Variants in GRK5 observed in about 807,000 individuals in gnomAD.
The protein encoded by GRK5 is G protein-coupled receptor kinase 5.
GRK5 carries 40 observed loss-of-function variants against 78.4 expected under a neutral mutation model. The observed-to-expected ratio is 0.51, with a 90% CI of 0.40 to 0.66. GRK5 has a LOEUF of 0.66. GRK5 is among the 30% of genes least tolerant of loss of function. The pLI, the probability that GRK5 is intolerant of heterozygous loss-of-function variation, is 0.00. For missense variants in GRK5, 598 were observed against 759.9 expected, an observed-to-expected ratio of 0.79 and a Z score of 2.50; for synonymous variants, 289 against 296.8, an observed-to-expected ratio of 0.97 and a Z score of 0.27.
chr10:119,348,144 A>G (rs1851129795), intron 2 of GRK5, among the ~76,000 whole-genome samples: 2 of 152,218 alleles, frequency 1.3e-5, no homozygotes, highest in South Asian at 2.1e-4. Flanking sequence ...TGAGGAGTCC[A>G]GGGGCCTGGC....
intron 1 of GRK5, among the ~76,000 whole-genome samples, chr10:119,297,638 G>T (rs1564881700): frequency 1.3e-5 from 2 of 152,182 alleles, no homozygotes; most frequent in Non-Finnish European, 2.9e-5. Flanking sequence ...GACAAGAATA[G>T]GTTGTTATAA....
intron 1 of GRK5, among the ~76,000 whole-genome samples, chr10:119,292,929 C>T (rs1223103952): frequency 6.6e-6 from 1 of 151,754 alleles, no homozygotes; most frequent in Non-Finnish European, 1.5e-5. Context: ...GGGAGGCCAA[C>T]TGCGTGTTGA....
At chr10:119,229,949 G>C (rs1848798838) in intron 1 of GRK5, among the ~76,000 whole-genome samples, 1 of 152,240 alleles carries the variant, frequency 6.6e-6, no homozygotes, top group African/African-American at 2.4e-5. Flanking sequence ...GCTTGGCTTT[G>C]AGCTTCCAGC....
chr10:119,226,230 G>C (rs1016198605), intron 1 of GRK5, among the ~76,000 whole-genome samples: 4 of 151,182 alleles, frequency 2.6e-5, no homozygotes, highest in Admixed American at 6.6e-5. Context: ...TGCCCGTCTC[G>C]GCTCCCCAAA....
intron 12 of GRK5, among the ~76,000 whole-genome samples, chr10:119,447,670 G>C (rs1853183019): frequency 6.6e-6 from 1 of 152,182 alleles, no homozygotes. Context: ...CCCCCCATGA[G>C]TCTGAGCACT....
rs1173067396 is a variant in GRK5 at position 119,458,090 on chromosome 10, CG to C, written c.*3025del. On this transcript the variant is annotated 3_prime_UTR_variant, in exon 16 of 16. Coordinates refer to ENST00000392870, the MANE Select transcript of GRK5 (RefSeq NM_005308.3). ...GGATAAGGCATATTTGGACGGTGAACGGATTTACTCTCGTTCATGCATTTGA... is the reference window on the plus strand; with the variant it reads ...GGATAAGGCATATTTGGACGGTGAACGATTTACTCTCGTTCATGCATTTGA... 1 of 152,256 alleles carries C rather than the reference CG, an allele frequency of 6.6e-6. No homozygotes were observed. The highest frequency in any genetic ancestry group is 1.5e-5 in the Non-Finnish European group (1 of 68,050). The allele number at this position is 152,256 out of a possible 1,614,324, so 9.4% of individuals were successfully genotyped here.
In GRK5 at chr10:119,445,438, C is replaced by T. The variant is rs983275615; in HGVS notation, c.1266+1686C>T. On this transcript the variant is annotated intron_variant, in intron 12 of 15. Coordinates refer to ENST00000392870, the MANE Select transcript of GRK5 (RefSeq NM_005308.3). This position sits in a 1 kb window ranked among gnomAD's most constrained non-coding sequence, Gnocchi z 4.1. Reference sequence around the variant, plus strand: ...GAGGGCCCCAGTCCCACCCCCAGACCCCAGACACCCACCTTGGCCCCTGGC... The same window carrying T: ...GAGGGCCCCAGTCCCACCCCCAGACTCCAGACACCCACCTTGGCCCCTGGC... Among the ~76,000 whole-genome samples, 4 of 152,064 alleles carry T rather than the reference C, an allele frequency of 2.6e-5. No homozygotes were observed. Among genetic ancestry groups the T allele is most frequent in the African/African-American group, 9.7e-5 (4 of 41,390 alleles).
At chr10:119,426,408 C>T (rs1315761902) in intron 6 of GRK5, among the ~76,000 whole-genome samples, 1 of 152,108 alleles carries the variant, frequency 6.6e-6, no homozygotes, top group Non-Finnish European at 1.5e-5. Context: ...TAGACATCTA[C>T]TGAGGGCACC....
intron 1 of GRK5, among the ~76,000 whole-genome samples, chr10:119,221,709 A>G (rs1260832116): frequency 6.6e-6 from 1 of 152,188 alleles, no homozygotes; most frequent in African/African-American, 2.4e-5. Context: ...GTATCTGCCT[A>G]ATAACATCCC....
intron 1 of GRK5, among the ~76,000 whole-genome samples, chr10:119,297,119 G>T (rs951292821): frequency 6.6e-6 from 1 of 152,226 alleles, no homozygotes; most frequent in African/African-American, 2.4e-5. Context: ...ACTGCATGGA[G>T]ACTGGAGGAA....
chr10:119,356,384 A>G (rs958692668), intron 2 of GRK5, among the ~76,000 whole-genome samples: 3 of 152,240 alleles, frequency 2.0e-5, no homozygotes, highest in Non-Finnish European at 4.4e-5. Context: ...TAGAATCACA[A>G]TCACCTTGGA....
intron 3 of GRK5, among the ~76,000 whole-genome samples, chr10:119,382,396 G>A (rs1851726762): frequency 6.6e-6 from 1 of 152,134 alleles, no homozygotes; most frequent in South Asian, 2.1e-4. Flanking sequence ...TCTGGAGGTG[G>A]GGCCTAGTAT....
chr10:119,280,203 A>T (rs1410452832), intron 1 of GRK5, among the ~76,000 whole-genome samples: 1 of 152,180 alleles, frequency 6.6e-6, no homozygotes, highest in Non-Finnish European at 1.5e-5. Flanking sequence ...ACTTAACAAA[A>T]ATTGGTCCAG....
chr10:119,380,913 T>C lies in GRK5; in HGVS notation c.247T>C (p.Phe83Leu), dbSNP rs1851700054. The part of the protein sequence containing the change: ...TRPGLECYIQ[F>L]LDSVAEYEVT... ...GCCTGGGCTGGAGTGTTACATTCAGTTCCTGGACTCCGTGGTAAGTTCCTG... is the reference window on the plus strand; with the variant it reads ...GCCTGGGCTGGAGTGTTACATTCAGCTCCTGGACTCCGTGGTAAGTTCCTG... The change falls in exon 3 of 16, where the codon TTC (phenylalanine) becomes CTC (leucine). Residue 83 changes from phenylalanine (F) to leucine (L), a missense_variant. Phe to Leu is a conservative substitution (Grantham distance 22). Coordinates refer to ENST00000392870, the MANE Select transcript of GRK5 (RefSeq NM_005308.3). 6.2e-7 allele frequency: 1 copy of C among 1,606,968 alleles called. No individual in the cohort carries two copies. Among genetic ancestry groups the C allele is most frequent in the South Asian group, 1.1e-5 (1 of 90,872 alleles).
intron 1 of GRK5, among the ~76,000 whole-genome samples, chr10:119,223,480 G>A (rs2133713031): frequency 6.6e-6 from 1 of 152,038 alleles, no homozygotes; most frequent in African/African-American, 2.4e-5. Flanking sequence ...CCAGGCGTGG[G>A]AACTGCTGCT....
At position 119,336,367 on chromosome 10, in the gene GRK5, C is replaced by A. The variant is rs150872177; in HGVS notation, c.148+9756C>A. Reference sequence around the variant, plus strand: ...ACGTGTGTCATCTAGAAGCCTGCAGCCCCGAGTCCTAACAATGGTTACCCC... The same window carrying A: ...ACGTGTGTCATCTAGAAGCCTGCAGACCCGAGTCCTAACAATGGTTACCCC... On this transcript the variant is annotated intron_variant, in intron 2 of 15. Coordinates refer to ENST00000392870, the MANE Select transcript of GRK5 (RefSeq NM_005308.3). The surrounding 1 kb of genome is among the most constrained non-coding windows in gnomAD (Gnocchi z 4.5). 1.4e-3 allele frequency among the ~76,000 whole-genome samples: 207 copies of A among 152,292 alleles called. No individual in the cohort carries two copies. The highest frequency in any genetic ancestry group is 4.9e-3 in the African/African-American group (202 of 41,560).
intron 1 of GRK5, among the ~76,000 whole-genome samples, chr10:119,209,418 A>G (rs905177583): frequency 1.1e-4 from 16 of 151,586 alleles, no homozygotes; most frequent in Admixed American, 2.6e-4. Flanking sequence ...TGGTGGGAAT[A>G]AATTTTTAGG....
intron 1 of GRK5, among the ~76,000 whole-genome samples, chr10:119,244,865 G>A (rs1849079824): frequency 6.6e-6 from 1 of 152,210 alleles, no homozygotes; most frequent in African/African-American, 2.4e-5. Flanking sequence ...GTTGTGCACT[G>A]TTGGTGGGGA....
chr10:119,345,413 G>A (rs959257699), intron 2 of GRK5, among the ~76,000 whole-genome samples: 4 of 152,002 alleles, frequency 2.6e-5, no homozygotes, highest in Non-Finnish European at 5.9e-5. Flanking sequence ...TTTCCCACAG[G>A]GGCTTCCTAG....
Sources: allele counts gnomAD v4.1 joint callset (sites outside exome capture counted in the v4.1 genomes callset), GRCh38; gene constraint gnomAD v4.1.1; non-coding constraint Gnocchi (gnomAD v3.1); transcripts MANE v1.5; gene names NCBI Gene and HGNC (gene_info 2026-07-23, HGNC 2026-07-21).